UBE2E2: variants seen among roughly 807,000 people sequenced by gnomAD.
UBE2E2 encodes ubiquitin conjugating enzyme E2 E2.
In UBE2E2, 6 loss-of-function variants were observed where a neutral mutation model predicts 24.7. That is an observed-to-expected ratio of 0.24 (90% CI 0.13 to 0.48). UBE2E2 has a LOEUF of 0.48. Among genes scored for constraint, UBE2E2 ranks in the 20% least tolerant of loss-of-function variants. The pLI is 0.99. For synonymous variants in UBE2E2, 104 were observed against 83.6 expected (o/e 1.24, Z -1.33); for missense variants, 169 against 245.0 (o/e 0.69, Z 2.07).
chr3:23,557,154 C>T (rs79262102), intron 5 of UBE2E2, among the ~76,000 whole-genome samples: 4,406 of 152,194 alleles, frequency 0.029, 109 homozygotes, highest in East Asian at 0.13. Flanking sequence ...CAGTGAATGA[C>T]GGTGTTTGTG....
chr3:23,382,472 G>A (rs1298903813), intron 3 of UBE2E2, among the ~76,000 whole-genome samples: 2 of 152,104 alleles, frequency 1.3e-5, no homozygotes, highest in African/African-American at 4.8e-5. Context: ...ATAAGCCACC[G>A]TGCCCGGCCT....
At chr3:23,444,204 G>A (rs997766232) in intron 3 of UBE2E2, among the ~76,000 whole-genome samples, 21 of 151,136 alleles carry the variant, frequency 1.4e-4, no homozygotes, top group African/African-American at 3.9e-4. Context: ...TATTGTAACC[G>A]CTGGCTATGG....
At chr3:23,254,278 C>T (rs1489585421) in intron 3 of UBE2E2, among the ~76,000 whole-genome samples, 2 of 152,084 alleles carry the variant, frequency 1.3e-5, no homozygotes, top group Non-Finnish European at 2.9e-5. Context: ...TTAAATATGC[C>T]AACTGATGCT....
intron 3 of UBE2E2, among the ~76,000 whole-genome samples, chr3:23,337,625 A>AAT (rs1412403715): frequency 6.6e-6 from 1 of 152,196 alleles, no homozygotes; most frequent in African/African-American, 2.4e-5. Flanking sequence ...ATGATATATA[A>AAT]GAGTTAGCAG....
chr3:23,533,522 CTG>C (rs1695173234), intron 5 of UBE2E2, among the ~76,000 whole-genome samples: 1 of 151,866 alleles, frequency 6.6e-6, no homozygotes, highest in Non-Finnish European at 1.5e-5. Flanking sequence ...GCTTAGGATC[CTG>C]GCTGTTTTAT....
chr3:23,480,572 ACAG>A (rs1457766372), intron 3 of UBE2E2, among the ~76,000 whole-genome samples: 3 of 151,740 alleles, frequency 2.0e-5, no homozygotes, highest in Non-Finnish European at 4.4e-5. Flanking sequence ...TGGCATCCGT[ACAG>A]CAGCTGCTGC....
intron 3 of UBE2E2, among the ~76,000 whole-genome samples, chr3:23,397,071 G>T (rs1321443891): frequency 6.6e-6 from 1 of 152,132 alleles, no homozygotes; most frequent in Non-Finnish European, 1.5e-5. Context: ...ATCCAGAGAG[G>T]GTTATAATTG....
At chr3:23,398,505 C>A (rs1406074626) in intron 3 of UBE2E2, among the ~76,000 whole-genome samples, 1 of 151,994 alleles carries the variant, frequency 6.6e-6, no homozygotes, top group Admixed American at 6.6e-5. Flanking sequence ...ATAGTGATAA[C>A]TTGTGGTGGG....
At chr3:23,436,783 A>G (rs1335838835) in intron 3 of UBE2E2, among the ~76,000 whole-genome samples, 1 of 152,178 alleles carries the variant, frequency 6.6e-6, no homozygotes, top group East Asian at 1.9e-4. Context: ...ACAGGTCTGG[A>G]ATGCCTCTCT....
At chr3:23,550,679 C>A (rs1022856172) in intron 5 of UBE2E2, among the ~76,000 whole-genome samples, 2 of 152,130 alleles carry the variant, frequency 1.3e-5, no homozygotes, top group Non-Finnish European at 2.9e-5. Flanking sequence ...ACTAGACATT[C>A]CCTGAGAGGA....
chr3:23,310,164 C>A (rs2125275716), intron 3 of UBE2E2, among the ~76,000 whole-genome samples: 1 of 152,232 alleles, frequency 6.6e-6, no homozygotes, highest in East Asian at 1.9e-4. Context: ...TTTCCAGATA[C>A]TAAGTTTCAC....
intron 3 of UBE2E2, among the ~76,000 whole-genome samples, chr3:23,388,896 G>A (rs1026645058): frequency 4.6e-5 from 7 of 151,718 alleles, no homozygotes; most frequent in Admixed American, 3.3e-4. Context: ...CAGCTACTCA[G>A]GAGACTGAGG....
chr3:23,378,909 T>A (rs532496430), intron 3 of UBE2E2, among the ~76,000 whole-genome samples: 13 of 152,232 alleles, frequency 8.5e-5, no homozygotes, highest in Non-Finnish European at 1.6e-4. Flanking sequence ...ATACCTATTT[T>A]CTTTGTCAAA....
At chr3:23,360,550 A>G (rs1419161751) in intron 3 of UBE2E2, among the ~76,000 whole-genome samples, 1 of 152,200 alleles carries the variant, frequency 6.6e-6, no homozygotes, top group Admixed American at 6.5e-5. Flanking sequence ...AAGAAGAGAT[A>G]ATAATGAAAT....
chr3:23,344,497 C>T (rs1031839847), intron 3 of UBE2E2, among the ~76,000 whole-genome samples: 1 of 151,590 alleles, frequency 6.6e-6, no homozygotes, highest in South Asian at 2.1e-4. Flanking sequence ...ATAATTACTT[C>T]CACTCCTTTT....
chr3:23,571,744 A>G (rs1410775117), intron 5 of UBE2E2, among the ~76,000 whole-genome samples: 2 of 152,164 alleles, frequency 1.3e-5, no homozygotes, highest in Non-Finnish European at 2.9e-5. Context: ...GACAGGGATA[A>G]CACTCAAGAG....
At chr3:23,283,111 A>T (rs182832495) in intron 3 of UBE2E2, among the ~76,000 whole-genome samples, 1 of 152,278 alleles carries the variant, frequency 6.6e-6, no homozygotes, top group African/African-American at 2.4e-5. Flanking sequence ...TAAAATTCTT[A>T]TCTAAGGAGA....
chr3:23,436,737 T>G (rs1698194366), intron 3 of UBE2E2, among the ~76,000 whole-genome samples: 1 of 152,170 alleles, frequency 6.6e-6, no homozygotes, highest in Non-Finnish European at 1.5e-5. Flanking sequence ...TAGAACGTCT[T>G]AAGTTCCCCC....
At chr3:23,348,556 A>G (rs1469400467) in intron 3 of UBE2E2, among the ~76,000 whole-genome samples, 1 of 152,192 alleles carries the variant, frequency 6.6e-6, no homozygotes, top group African/African-American at 2.4e-5. Flanking sequence ...GCATATTTGG[A>G]GGATTATTTT....
Sources: allele counts gnomAD v4.1 joint callset (sites outside exome capture counted in the v4.1 genomes callset), GRCh38; gene constraint gnomAD v4.1.1; transcripts MANE v1.5; gene names NCBI Gene and HGNC (gene_info 2026-07-23, HGNC 2026-07-21).